SYT1: variants seen among roughly 807,000 people sequenced by gnomAD.
The protein encoded by SYT1 is synaptotagmin 1.
Under a neutral mutation model 44.8 loss-of-function variants are expected in SYT1, and 8 were observed. The ratio of observed to expected loss-of-function variants is 0.18; its 90% confidence interval spans 0.10 to 0.32. The LOEUF (loss-of-function observed/expected upper bound fraction) is 0.32, where lower values mean the gene tolerates loss of function less well. SYT1 is among the 10% of genes least tolerant of loss of function. SYT1 has a pLI of 1.00. For missense variants in SYT1, 286 were observed against 509.3 expected, an observed-to-expected ratio of 0.56 and a Z score of 4.22; for synonymous variants, 154 against 188.8, an observed-to-expected ratio of 0.82 and a Z score of 1.51.
intron 1 of SYT1, among the ~76,000 whole-genome samples, chr12:78,924,936 G>A (rs949538641): frequency 6.6e-6 from 1 of 151,606 alleles, no homozygotes; most frequent in Non-Finnish European, 1.5e-5. Context: ...TTGCTACTGG[G>A]TGTCATTGCT....
chr12:79,419,049 A>G (rs11114112), intron 9 of SYT1, among the ~76,000 whole-genome samples: 17,558 of 152,204 alleles, frequency 0.12, 1,050 homozygotes, highest in Middle Eastern at 0.13. Context: ...TAGGTGCCTC[A>G]GAAGTGAACA....
intron 3 of SYT1, among the ~76,000 whole-genome samples, chr12:79,159,967 A>T (rs1310483149): frequency 6.6e-6 from 1 of 152,194 alleles, no homozygotes; most frequent in Non-Finnish European, 1.5e-5. Context: ...GAGAACATAA[A>T]TTAATTGCAA....
chr12:79,334,366 A>AT (rs1881992581), intron 8 of SYT1, among the ~76,000 whole-genome samples: 1 of 152,202 alleles, frequency 6.6e-6, no homozygotes, highest in African/African-American at 2.4e-5. Context: ...AGGTGAGCAG[A>AT]TATTTACGGC....
At chr12:79,001,464 C>T (rs868778424) in intron 2 of SYT1, among the ~76,000 whole-genome samples, 3 of 152,088 alleles carry the variant, frequency 2.0e-5, no homozygotes, top group Non-Finnish European at 2.9e-5. Context: ...GTTCAAACAA[C>T]GCATTTAAGG....
At chr12:79,371,033 CTAA>C (rs573634170) in intron 9 of SYT1, among the ~76,000 whole-genome samples, 305 of 152,224 alleles carry the variant, frequency 2.0e-3, no homozygotes, top group Middle Eastern at 6.8e-3. Context: ...ACTACTACTG[CTAA>C]TAATAATTAT....
Position 79,135,049 on chromosome 12 carries a change from A to C in SYT1, c.-17-82454A>C, listed in dbSNP as rs180677045. Among the ~76,000 whole-genome samples, 585 of 152,148 alleles carry C rather than the reference A, an allele frequency of 3.8e-3. 4 individuals carry two copies. Among genetic ancestry groups the C allele is most frequent in the African/African-American group, 0.013 (553 of 41,522 alleles). On this transcript the variant is annotated intron_variant, in intron 3 of 10. Coordinates refer to ENST00000261205, the MANE Select transcript of SYT1 (RefSeq NM_005639.3). ...GTTAACTAACTTGATTGTGGTAATT[A>C]TTTCACTATATATGTGTACTAAAAT...
intron 3 of SYT1, among the ~76,000 whole-genome samples, chr12:79,199,695 T>A (rs1013914498): frequency 6.6e-6 from 1 of 152,154 alleles, no homozygotes; most frequent in African/African-American, 2.4e-5. Context: ...TACTCCCTTA[T>A]AACAGAGTAA....
chr12:79,096,501 C>A (rs1330654420), intron 3 of SYT1, among the ~76,000 whole-genome samples: 3 of 151,908 alleles, frequency 2.0e-5, no homozygotes, highest in African/African-American at 7.2e-5. Context: ...CAGATGTAGT[C>A]CAGAAGATAC....
Position 79,191,822 on chromosome 12 carries a change from G to A in SYT1, c.-17-25681G>A, listed in dbSNP as rs1456287037. 2.0e-5 allele frequency among the ~76,000 whole-genome samples: 3 copies of A among 151,832 alleles called. No individual in the cohort carries two copies. In the East Asian group the frequency reaches 5.8e-4, roughly 29 times the overall value. On this transcript the variant is annotated intron_variant, in intron 3 of 10. Transcript: ENST00000261205. ...CTTGCTGGTCTAGTATGGAATATGG[G>A]ACATATACCTGAATAACCACAACTT...
intron 4 of SYT1, among the ~76,000 whole-genome samples, chr12:79,222,077 C>G (rs973511786): frequency 1.3e-5 from 2 of 152,120 alleles, no homozygotes; most frequent in African/African-American, 2.4e-5. Context: ...ACACTATTCT[C>G]TGTTGGCAGT....
chr12:79,224,328 G>A lies in SYT1; in HGVS notation c.166+6643G>A, dbSNP rs148497846. Reference sequence around the variant, plus strand: ...AGAAAAGAAGTTAGAAATTAATAAAGAGGAAAATATATATTAATAAATGAT... The same window carrying A: ...AGAAAAGAAGTTAGAAATTAATAAAAAGGAAAATATATATTAATAAATGAT... On this transcript the variant is annotated intron_variant, in intron 4 of 10. Coordinates refer to ENST00000261205, the MANE Select transcript of SYT1 (RefSeq NM_005639.3). 7.2e-3 allele frequency among the ~76,000 whole-genome samples: 1,094 copies of A among 152,232 alleles called. 5 individuals are homozygous for A. The highest frequency in any genetic ancestry group is 0.037 in the Middle Eastern group (11 of 294).
intron 2 of SYT1, among the ~76,000 whole-genome samples, chr12:78,980,760 A>C (rs906768361): frequency 1.3e-5 from 2 of 152,202 alleles, no homozygotes; most frequent in Non-Finnish European, 2.9e-5. Flanking sequence ...AGCCAATTAG[A>C]CAAAAAATAT....
chr12:79,020,236 A>G (rs948092848), intron 2 of SYT1, among the ~76,000 whole-genome samples: 5 of 151,882 alleles, frequency 3.3e-5, no homozygotes, highest in East Asian at 3.9e-4. Flanking sequence ...TTTATTTTTT[A>G]TCTCCCTAAA....
At chr12:79,072,840 CAG>C (rs1177731497) in intron 3 of SYT1, among the ~76,000 whole-genome samples, 1 of 152,094 alleles carries the variant, frequency 6.6e-6, no homozygotes, top group East Asian at 1.9e-4. Context: ...ATTGGGAACA[CAG>C]CAATGAACAC....
chr12:78,947,093 T>C (rs1055460797), intron 1 of SYT1, among the ~76,000 whole-genome samples: 1 of 152,218 alleles, frequency 6.6e-6, no homozygotes, highest in Non-Finnish European at 1.5e-5. Context: ...GATATTGTGA[T>C]ACAGCATCAC....
In SYT1 at chr12:79,308,405, T is replaced by G. The variant is rs560971156; in HGVS notation, c.810+8854T>G. Among the ~76,000 whole-genome samples the G allele has an allele frequency of 4.0e-5, 6 of 151,478 alleles. No individual in the cohort carries two copies. In the South Asian group the frequency reaches 6.2e-4, roughly 16 times the overall value. On this transcript the variant is annotated intron_variant, in intron 8 of 10. Coordinates refer to ENST00000261205, the MANE Select transcript of SYT1 (RefSeq NM_005639.3). ...CCGGTGTTGTGGCGCATGCCTGTAA[T>G]CCCAGCTACTCGGGAGGCTGAAGCC...
chr12:79,115,637 C>T (rs1879236154), intron 3 of SYT1, among the ~76,000 whole-genome samples: 2 of 152,164 alleles, frequency 1.3e-5, no homozygotes, highest in Non-Finnish European at 2.9e-5. Flanking sequence ...ACAAAAACAT[C>T]TTGTTCTTTC....
In SYT1 at chr12:78,865,932, C is replaced by A. The variant is rs73347864; in HGVS notation, c.-217+823C>A. ...TTCTTGAGTAACAAAAAAAAAAAAA[C>A]AATTAAAATAGATTATTACTTTCCT... is the stretch of plus-strand genomic sequence containing the variant. On this transcript the variant is annotated intron_variant, in intron 1 of 10. Transcript: ENST00000261205. Among the ~76,000 whole-genome samples the A allele has an allele frequency of 3.2e-3, 462 of 145,080 alleles. 6 individuals carry two copies. The highest frequency in any genetic ancestry group is 0.011 in the African/African-American group (444 of 39,224).
intron 8 of SYT1, among the ~76,000 whole-genome samples, chr12:79,300,739 AAAG>A (rs1308004630): frequency 1.4e-5 from 2 of 147,830 alleles, no homozygotes; most frequent in Non-Finnish European, 3.0e-5. Flanking sequence ...ACTTTCCAAA[AAAG>A]AGAGCAGAGC....
Sources: allele counts gnomAD v4.1 joint callset (sites outside exome capture counted in the v4.1 genomes callset), GRCh38; gene constraint gnomAD v4.1.1; transcripts MANE v1.5; gene names NCBI Gene and HGNC (gene_info 2026-07-23, HGNC 2026-07-21).